Variants in PCDHA9 observed in about 807,000 individuals in gnomAD.
PCDHA9 encodes protocadherin alpha-9.
In PCDHA9, 62 loss-of-function variants were observed where a neutral mutation model predicts 62.0. That is an observed-to-expected ratio of 1.00 (90% CI 0.81 to 1.23). The LOEUF (loss-of-function observed/expected upper bound fraction) is 1.23. Among genes scored for constraint, PCDHA9 ranks in the 50% most tolerant of loss-of-function variants. The probability of loss-of-function intolerance (pLI) is 0.00; values close to 1 mark genes in which losing one functional copy is unlikely to be tolerated. For missense variants in PCDHA9, 1,205 were observed against 1,249.8 expected (o/e 0.96, Z 0.54); for synonymous variants, 557 against 567.6 (o/e 0.98, Z 0.27).
intron 1 of PCDHA9, chr5:140,883,566 C>A: frequency 1.2e-5 from 19 of 1,614,176 alleles, no homozygotes; most frequent in Non-Finnish European, 1.5e-5. Flanking sequence ...GGGGGCTCGC[C>A]TTCGCTGTGG....
rs911070094 is a variant in PCDHA9, at chr5:141,009,570, G to A, written c.2543-57G>A. On this transcript the variant is annotated intron_variant, in intron 3 of 3. Coordinates refer to ENST00000532602, the MANE Select transcript of PCDHA9 (RefSeq NM_031857.2). ...AGTACTCCTGTACTCTACCAGCAGT[G>A]TGGCATCAAGAGCATGTGTTGACCC... The A allele has an allele frequency of 1.9e-6, 3 of 1,577,968 alleles. No homozygotes were observed. In the Admixed American group the frequency reaches 5.2e-5, roughly 28 times the overall value.
chr5:140,868,942 C>T (rs1238492263), intron 1 of PCDHA9: 6 of 1,256,058 alleles, frequency 4.8e-6, no homozygotes, highest in African/African-American at 1.5e-5. Context: ...TTGGTCTGAA[C>T]AGTGAGGCAC....
chr5:140,883,568 T>C, intron 1 of PCDHA9: 3 of 1,614,110 alleles, frequency 1.9e-6, no homozygotes, highest in Non-Finnish European at 2.5e-6. Context: ...GGGCTCGCCT[T>C]CGCTGTGGGC....
intron 1 of PCDHA9, among the ~76,000 whole-genome samples, chr5:140,855,548 C>T (rs1345944772): frequency 1.3e-5 from 2 of 149,752 alleles, no homozygotes; most frequent in Non-Finnish European, 3.0e-5. Flanking sequence ...AGTGTCAGAA[C>T]TTAAATGGAA....
intron 3 of PCDHA9, among the ~76,000 whole-genome samples, chr5:140,990,800 A>C (rs1474894854): frequency 3.9e-5 from 6 of 152,216 alleles, no homozygotes; most frequent in Non-Finnish European, 2.9e-5. Context: ...CATGGAATAC[A>C]GAAGAAGCTC....
chr5:140,871,134 C>T, intron 1 of PCDHA9: 1 of 1,613,414 alleles, frequency 6.2e-7, no homozygotes, highest in Non-Finnish European at 8.5e-7. Flanking sequence ...CGCCAAAGGC[C>T]TCTTCCCGGA....
At chr5:140,863,021 T>A (rs1228071790) in intron 1 of PCDHA9, 1 of 554,192 alleles carries the variant, frequency 1.8e-6, no homozygotes, top group Non-Finnish European at 3.5e-6. Flanking sequence ...CGCCTGGTTG[T>A]CGCAACAGCT....
intron 3 of PCDHA9, among the ~76,000 whole-genome samples, chr5:141,000,648 G>A (rs559996046): frequency 8.9e-4 from 134 of 150,894 alleles, no homozygotes; most frequent in African/African-American, 2.6e-3. Flanking sequence ...GGCTGGTCTC[G>A]AACTCCTGAC....
In PCDHA9 at chr5:140,875,617, G is replaced by T; in HGVS notation, c.2394+24728G>T. On this transcript the variant is annotated intron_variant, in intron 1 of 3. Coordinates refer to ENST00000532602, the MANE Select transcript of PCDHA9 (RefSeq NM_031857.2). ...ACACGGCACCTTCGTGGGCCGCATC[G>T]CTCAGGACCTGGGGCTGGAGCTGGC... 1 of 1,613,780 alleles carries T rather than the reference G, an allele frequency of 6.2e-7. No homozygotes were observed. The highest frequency in any genetic ancestry group is 2.2e-5 in the East Asian group (1 of 44,888).
In PCDHA9 at chr5:140,951,072, T is replaced by G. The variant is rs551891980; in HGVS notation, c.2395-27877T>G. Among the ~76,000 whole-genome samples the G allele has an allele frequency of 1.1e-4, 16 of 152,184 alleles. No individual in the cohort carries two copies. The South Asian group carries it at 3.1e-3, about 30-fold the overall frequency. ...ATTGCTAAAATTTCCATTGGCTTTCTTATATTTTCCTTTTTTTCTGATAAG... is the reference window on the plus strand; with the variant it reads ...ATTGCTAAAATTTCCATTGGCTTTCGTATATTTTCCTTTTTTTCTGATAAG... On this transcript the variant is annotated intron_variant, in intron 1 of 3. Transcript: ENST00000532602.
intron 1 of PCDHA9, among the ~76,000 whole-genome samples, chr5:140,894,640 C>T (rs1004479669): frequency 4.6e-5 from 7 of 151,788 alleles, no homozygotes; most frequent in Admixed American, 4.6e-4. Flanking sequence ...CATATCATTA[C>T]TGAGTCTCTC....
At chr5:140,888,159 C>T (rs1468895090) in intron 1 of PCDHA9, among the ~76,000 whole-genome samples, 1 of 152,080 alleles carries the variant, frequency 6.6e-6, no homozygotes, top group Non-Finnish European at 1.5e-5. Flanking sequence ...GACTGGTAAT[C>T]TCTAATAAGA....
At chr5:140,907,411 GA>G (rs1435126945) in intron 1 of PCDHA9, among the ~76,000 whole-genome samples, 1 of 152,192 alleles carries the variant, frequency 6.6e-6, no homozygotes, top group Non-Finnish European at 1.5e-5. Flanking sequence ...GGAATACCAC[GA>G]TGGTGGATAA....
chr5:140,936,303 T>C (rs1223461427), intron 1 of PCDHA9, among the ~76,000 whole-genome samples: 3 of 152,236 alleles, frequency 2.0e-5, no homozygotes, highest in South Asian at 2.1e-4. Flanking sequence ...TGCTATCCAA[T>C]AGAACTTTCT....
At position 140,979,482 on chromosome 5, in the gene PCDHA9, C is replaced by A. The variant is rs568650143; in HGVS notation, c.2453+475C>A. On this transcript the variant is annotated intron_variant, in intron 2 of 3. Coordinates refer to ENST00000532602, the MANE Select transcript of PCDHA9 (RefSeq NM_031857.2). Reference sequence around the variant, plus strand: ...ATTGATTGCTATTGTTGTTTGTGTTCACACCTATTAGAGCCTCCTCATCTT... The same window carrying A: ...ATTGATTGCTATTGTTGTTTGTGTTAACACCTATTAGAGCCTCCTCATCTT... Among the ~76,000 whole-genome samples, 6 of 152,068 alleles carry A rather than the reference C, an allele frequency of 3.9e-5. No homozygotes were observed. In the South Asian group the frequency reaches 1.0e-3, roughly 26 times the overall value.
intron 1 of PCDHA9, among the ~76,000 whole-genome samples, chr5:140,888,270 GT>G (rs2061763105): frequency 6.6e-6 from 1 of 152,102 alleles, no homozygotes; most frequent in Non-Finnish European, 1.5e-5. Context: ...ATAAGAAACA[GT>G]TTTGTCCCCT....
chr5:140,941,231 C>CTT (rs1554214107), intron 1 of PCDHA9, among the ~76,000 whole-genome samples: 1 of 136,770 alleles, frequency 7.3e-6, no homozygotes, highest in African/African-American at 2.8e-5. Context: ...TTCTTTCTTT[C>CTT]TTTCTTTCTT....
At chr5:140,862,665 G>A (rs1437192786) in intron 1 of PCDHA9, 12 of 547,492 alleles carry the variant, frequency 2.2e-5, no homozygotes, top group Admixed American at 9.6e-5. Flanking sequence ...ACCGGGACGC[G>A]CAGGAGAACG....
chr5:140,869,205 C>T (rs782278064), intron 1 of PCDHA9: 1 of 1,613,994 alleles, frequency 6.2e-7, no homozygotes, highest in Non-Finnish European at 8.5e-7. Flanking sequence ...TCCACTACTC[C>T]GTCTCGGAGG....
Sources: gnomAD v4.1 joint callset for allele counts (sites outside exome capture counted in the v4.1 genomes callset) on GRCh38, gnomAD v4.1.1 for gene constraint, MANE v1.5 for transcripts, NCBI Gene and HGNC (gene_info 2026-07-23, HGNC 2026-07-21) for gene names.